Variants in CDK14 observed in about 807,000 individuals in gnomAD.
CDK14 encodes cyclin dependent kinase 14.
Under a neutral mutation model 60.7 loss-of-function variants are expected in CDK14, and 34 were observed. The ratio of observed to expected loss-of-function variants is 0.56; its 90% CI spans 0.43 to 0.75. CDK14 has a LOEUF of 0.75. Ranked by LOEUF, CDK14 falls within the 30% of genes least tolerant of loss-of-function variation. The pLI, the probability that CDK14 is intolerant of heterozygous loss-of-function variation, is 0.00. For missense variants in CDK14, 482 were observed against 564.1 expected, an observed-to-expected ratio of 0.85 and a Z score of 1.47; for synonymous variants, 197 against 203.7, an observed-to-expected ratio of 0.97 and a Z score of 0.28.
chr7:90,646,812 G>A (rs1420237600), intron 2 of CDK14, among the ~76,000 whole-genome samples: 1 of 152,128 alleles, frequency 6.6e-6, no homozygotes, highest in Non-Finnish European at 1.5e-5. Context: ...AAAAATTGGT[G>A]AACATTTAGG....
At chr7:90,675,680 T>C (rs554377790) in intron 2 of CDK14, among the ~76,000 whole-genome samples, 1 of 152,320 alleles carries the variant, frequency 6.6e-6, no homozygotes, top group Non-Finnish European at 1.5e-5. Flanking sequence ...CAAACAGATA[T>C]ACAAATGGGC....
intron 4 of CDK14, among the ~76,000 whole-genome samples, chr7:90,784,573 ATTAAT>A (rs536309867): frequency 9.8e-5 from 15 of 152,342 alleles, no homozygotes; most frequent in East Asian, 7.7e-4. Context: ...TTAAAAAGAA[ATTAAT>A]TTAAGACAAA....
intron 14 of CDK14, among the ~76,000 whole-genome samples, chr7:91,168,423 A>G (rs1342401175): frequency 6.6e-6 from 1 of 152,234 alleles, no homozygotes; most frequent in Non-Finnish European, 1.5e-5. Context: ...ATTACAGTCA[A>G]GAAACCTCTT....
At chr7:91,050,318 C>T (rs1236679491) in intron 11 of CDK14, among the ~76,000 whole-genome samples, 2 of 152,010 alleles carry the variant, frequency 1.3e-5, no homozygotes, top group African/African-American at 2.4e-5. Flanking sequence ...AACAGGAATC[C>T]AGGGGAGAGG....
chr7:91,148,222 T>A (rs987466247), intron 14 of CDK14, among the ~76,000 whole-genome samples: 12 of 151,922 alleles, frequency 7.9e-5, no homozygotes, highest in African/African-American at 2.7e-4. Flanking sequence ...TACAAAAAAA[T>A]TTTAAAAATT....
At chr7:90,962,499 A>AG (rs1280348434) in intron 9 of CDK14, among the ~76,000 whole-genome samples, 1 of 152,144 alleles carries the variant, frequency 6.6e-6, no homozygotes, top group African/African-American at 2.4e-5. Flanking sequence ...AAGAAAAAAA[A>AG]AAAGTCTAGT....
chr7:90,754,047 A>G (rs1803956243), intron 4 of CDK14, among the ~76,000 whole-genome samples: 2 of 152,250 alleles, frequency 1.3e-5, no homozygotes, highest in Non-Finnish European at 2.9e-5. Flanking sequence ...TAAAATGGCC[A>G]TGCTGCCCAA....
intron 2 of CDK14, among the ~76,000 whole-genome samples, chr7:90,697,410 T>C (rs1374614426): frequency 6.6e-6 from 1 of 152,132 alleles, no homozygotes; most frequent in East Asian, 1.9e-4. Flanking sequence ...TGGCCAGCCT[T>C]GTCTTGAACT....
At chr7:90,608,994 A>G (rs932925877) in intron 2 of CDK14, among the ~76,000 whole-genome samples, 8 of 152,178 alleles carry the variant, frequency 5.3e-5, no homozygotes, top group Non-Finnish European at 8.8e-5. Context: ...TTTTATATAA[A>G]GATATAATAC....
At chr7:90,849,763 A>T (rs1790588023) in intron 5 of CDK14, among the ~76,000 whole-genome samples, 1 of 152,060 alleles carries the variant, frequency 6.6e-6, no homozygotes, top group Non-Finnish European at 1.5e-5. Flanking sequence ...AGATTAAAAA[A>T]TACTGCACAG....
intron 12 of CDK14, among the ~76,000 whole-genome samples, chr7:91,108,212 C>T (rs779511081): frequency 2.0e-5 from 3 of 152,172 alleles, no homozygotes; most frequent in Non-Finnish European, 2.9e-5. Context: ...CAGGCTGAGG[C>T]GTGAGAATCG....
chr7:90,627,790 CT>C (rs1799907888), intron 2 of CDK14, among the ~76,000 whole-genome samples: 1 of 152,150 alleles, frequency 6.6e-6, no homozygotes, highest in Admixed American at 6.5e-5. Flanking sequence ...ATAAAAACTG[CT>C]TTGTCTTATG....
At chr7:90,892,680 G>T (rs1370398844) in intron 6 of CDK14, among the ~76,000 whole-genome samples, 1 of 152,166 alleles carries the variant, frequency 6.6e-6, no homozygotes, top group Non-Finnish European at 1.5e-5. Flanking sequence ...ACCCTCCTCG[G>T]ATTCCTTCCC....
chr7:90,731,094 A>G (rs903586130), intron 3 of CDK14, among the ~76,000 whole-genome samples: 2 of 152,062 alleles, frequency 1.3e-5, no homozygotes, highest in Admixed American at 6.6e-5. Flanking sequence ...TCCCAACACT[A>G]TTTATTAAAT....
chr7:90,634,392 T>C (rs1800081211), intron 2 of CDK14, among the ~76,000 whole-genome samples: 1 of 150,614 alleles, frequency 6.6e-6, no homozygotes, highest in South Asian at 2.1e-4. Context: ...AGTGTTTGGT[T>C]TTTTGTCCTT....
intron 12 of CDK14, among the ~76,000 whole-genome samples, chr7:91,103,258 AAAAG>A (rs1379196421): frequency 6.6e-6 from 1 of 152,112 alleles, no homozygotes; most frequent in African/African-American, 2.4e-5. Context: ...GTCAAAAAAA[AAAAG>A]AAATGCTGTC....
At chr7:91,190,578 G>A (rs1802329243) in intron 14 of CDK14, among the ~76,000 whole-genome samples, 2 of 152,126 alleles carry the variant, frequency 1.3e-5, no homozygotes, top group Admixed American at 6.5e-5. Flanking sequence ...CAATCTCTGT[G>A]TCTCAGGTTC....
intron 5 of CDK14, among the ~76,000 whole-genome samples, chr7:90,837,637 G>A (rs1472507650): frequency 6.6e-6 from 1 of 152,144 alleles, no homozygotes; most frequent in African/African-American, 2.4e-5. Flanking sequence ...GACATGTTGG[G>A]CCTAGAGAAG....
At chr7:90,974,086 G>A (rs866023428) in intron 9 of CDK14, among the ~76,000 whole-genome samples, 1 of 151,894 alleles carries the variant, frequency 6.6e-6, no homozygotes, top group African/African-American at 2.4e-5. Context: ...CCTTCGCTAG[G>A]GTATCAATTA....
Sources: allele counts gnomAD v4.1 joint callset (sites outside exome capture counted in the v4.1 genomes callset), GRCh38; gene constraint gnomAD v4.1.1; transcripts MANE v1.5; gene names NCBI Gene and HGNC (gene_info 2026-07-23, HGNC 2026-07-21).